CAPN11: variants seen among roughly 807,000 people sequenced by gnomAD.
CAPN11 encodes the protein calpain 11.
Under a neutral mutation model 105.3 loss-of-function variants are expected in CAPN11, and 108 were observed. The ratio of observed to expected loss-of-function variants is 1.03; its 90% confidence interval spans 0.88 to 1.20. The LOEUF (loss-of-function observed/expected upper bound fraction) is 1.20, where lower values mean the gene tolerates loss of function less well. Ranked by LOEUF, CAPN11 falls within the 50% of genes most tolerant of loss-of-function variation. CAPN11 has a pLI of 0.00. For synonymous variants in CAPN11, 329 were observed against 344.5 expected (o/e 0.96, Z 0.50); for missense variants, 883 against 924.8 (o/e 0.95, Z 0.59).
chr6:44,159,918 T>G (rs961487087), intron 1 of CAPN11, among the ~76,000 whole-genome samples: 1 of 151,692 alleles, frequency 6.6e-6, no homozygotes. Flanking sequence ...GTGGATCATC[T>G]GAGGTCAGGA....
At chr6:44,181,166 T>C (rs1773072245) in intron 18 of CAPN11, 86 bp from the exon 19 acceptor site, 2 of 1,310,128 alleles carry the variant, frequency 1.5e-6, no homozygotes, top group African/African-American at 1.5e-5. Context: ...CCAGGGCTTG[T>C]GTGTCCCCTC....
chr6:44,176,684 C>G (rs1352491835), intron 10 of CAPN11, 29 bp downstream of exon 10: 1 of 1,571,714 alleles, frequency 6.4e-7, no homozygotes, highest in African/African-American at 1.3e-5. Context: ...GGGCTTCTTA[C>G]CACCACCCTA....
At position 44,173,313 on chromosome 6, in the gene CAPN11, G is replaced by T. The variant is rs1043448987; in HGVS notation, c.758G>T (p.Arg253Met). The T allele has an allele frequency of 1.2e-6, 2 of 1,613,936 alleles. No homozygotes were observed. The highest frequency in any genetic ancestry group is 3.3e-4 in the Middle Eastern group (2 of 6,062). ...GTGGCCCAGAGCTTCCAACTCCAGA[G>T]GCCCCCTCAGAACCTGCTCAGGCTC... ...GGVAQSFQLQ[R>M]PPQNLLRLLR... Residue 253 changes from arginine (R) to methionine (M), a missense_variant, in exon 7 of 23, where the codon AGG becomes ATG. Coordinates refer to ENST00000398776, the MANE Select transcript of CAPN11 (RefSeq NM_007058.4).
At chr6:44,175,230 AG>A (rs1345472516) in intron 7 of CAPN11, among the ~76,000 whole-genome samples, 32 of 152,322 alleles carry the variant, frequency 2.1e-4, no homozygotes, top group African/African-American at 7.5e-4. Context: ...CTGCAATCCC[AG>A]CACTTTGGGA....
chr6:44,181,904 ACACT>A (rs1257126545), intron 19 of CAPN11, among the ~76,000 whole-genome samples: 3 of 95,192 alleles, frequency 3.2e-5, no homozygotes, highest in South Asian at 3.4e-4. Flanking sequence ...CAACCACACC[ACACT>A]CACACACACA....
chr6:44,172,786 C>T lies in CAPN11; in HGVS notation c.529-154C>T, dbSNP rs572422813. ...ACCGTGGCAGAAGCTGGAGAGGAGG[C>T]GGGGCCGGGCTCAGGCTTTGGGTTG... On this transcript the variant is annotated intron_variant, in intron 5 of 22. Transcript: ENST00000398776. 1.5e-4 allele frequency among the ~76,000 whole-genome samples: 23 copies of T among 152,298 alleles called. No individual in the cohort carries two copies. In the East Asian group the frequency reaches 3.1e-3, roughly 20 times the overall value.
chr6:44,166,897 T>G, intron 2 of CAPN11, 68 bp downstream of exon 2: 7 of 1,062,538 alleles, frequency 6.6e-6, no homozygotes, highest in Non-Finnish European at 8.3e-6. Context: ...CTCTCTTCTC[T>G]TCCCCTGGGC....
intron 1 of CAPN11, among the ~76,000 whole-genome samples, chr6:44,162,639 A>C (rs1769101665): frequency 6.6e-6 from 1 of 152,136 alleles, no homozygotes; most frequent in Admixed American, 6.5e-5. Context: ...GGATGTGCTT[A>C]GAATAGGGAA....
At chr6:44,167,690 G>A (rs1015171475) in intron 2 of CAPN11, among the ~76,000 whole-genome samples, 9 of 152,170 alleles carry the variant, frequency 5.9e-5, no homozygotes, top group Admixed American at 1.3e-4. Flanking sequence ...CTGGAGGACT[G>A]CTTGAACCCA....
At chr6:44,170,291 G>A (rs1470918144) in intron 4 of CAPN11, among the ~76,000 whole-genome samples, 1 of 152,180 alleles carries the variant, frequency 6.6e-6, no homozygotes, top group East Asian at 1.9e-4. Context: ...GGTTCCTGTG[G>A]GTCAGAAATT....
chr6:44,160,600 G>A (rs1768590322), intron 1 of CAPN11, among the ~76,000 whole-genome samples: 1 of 152,166 alleles, frequency 6.6e-6, no homozygotes, highest in African/African-American at 2.4e-5. Flanking sequence ...CTGGGCGACA[G>A]AGTGAGACTC....
rs74728490 is a variant in CAPN11, at chr6:44,167,092, C to T, written c.88+263C>T. On this transcript the variant is annotated intron_variant, in intron 2 of 22. Transcript: ENST00000398776. ...CAGTCAGCCTGACTCGACTCTTACC[C>T]TGACACTCGCCCAGTGCCACCTGCT... Among the ~76,000 whole-genome samples the T allele has an allele frequency of 9.4e-3, 1,430 of 152,228 alleles. 30 individuals are homozygous for T. Among genetic ancestry groups the T allele is most frequent in the South Asian group, 0.061 (294 of 4,822 alleles).
At position 44,183,028 on chromosome 6, in the gene CAPN11, G is replaced by A; in HGVS notation, c.2017+9G>A. The stretch of plus-strand genomic sequence containing the variant: ...GGTTATTGAGAAAGCAGGTGGCCAA[G>A]GGTCAGGAGTGGGCCTTGGGGCAGG... On this transcript the variant is annotated intron_variant, in intron 20 of 22. Transcript: ENST00000398776. 2.5e-6 allele frequency: 4 copies of A among 1,611,808 alleles called. No homozygotes were observed. Among genetic ancestry groups the A allele is most frequent in the Non-Finnish European group, 3.4e-6 (4 of 1,178,330 alleles).
chr6:44,182,023 CATACAG>C (rs1773685291), intron 19 of CAPN11, among the ~76,000 whole-genome samples: 1 of 77,012 alleles, frequency 1.3e-5, no homozygotes, highest in African/African-American at 7.1e-5. Flanking sequence ...TACACACTCA[CATACAG>C]ACACAACCAC....
intron 4 of CAPN11, among the ~76,000 whole-genome samples, chr6:44,171,477 A>C (rs1457610833): frequency 6.6e-6 from 1 of 152,176 alleles, no homozygotes; most frequent in Non-Finnish European, 1.5e-5. Context: ...CACAGGGTGC[A>C]GGAAGGTGAC....
intron 6 of CAPN11, 69 bp from the exon 7 acceptor site, chr6:44,173,149 G>A: frequency 6.2e-7 from 1 of 1,603,544 alleles, no homozygotes; most frequent in Non-Finnish European, 8.5e-7. Context: ...AGGGGAGGGG[G>A]TAGCAGGACA....
chr6:44,167,565 A>C (rs938076606), intron 2 of CAPN11, among the ~76,000 whole-genome samples: 2 of 151,828 alleles, frequency 1.3e-5, no homozygotes, highest in African/African-American at 2.4e-5. Flanking sequence ...TAAAAAAAAA[A>C]AACAGCTTTA....
At chr6:44,166,946 GC>G in intron 2 of CAPN11, 117 bp downstream of exon 2, 10 of 591,900 alleles carry the variant, frequency 1.7e-5, no homozygotes, top group East Asian at 7.4e-5. Flanking sequence ...TGTGGGGAGG[GC>G]GGCGGGGGGA....
At chr6:44,173,196 A>G (rs1771321714) in intron 6 of CAPN11, 22 bp from the exon 7 acceptor site, 6 of 1,612,968 alleles carry the variant, frequency 3.7e-6, no homozygotes, top group South Asian at 2.2e-5. Context: ...AGAGCCCAAC[A>G]GTGCCTTCTC....
Sources: gnomAD v4.1 joint callset for allele counts (sites outside exome capture counted in the v4.1 genomes callset) on GRCh38, gnomAD v4.1.1 for gene constraint, MANE v1.5 for transcripts, NCBI Gene and HGNC (gene_info 2026-07-23, HGNC 2026-07-21) for gene names.